PLBD1: variants seen among roughly 807,000 people sequenced by gnomAD.
PLBD1 encodes the protein lysosomal leucine aminopeptidase.
A neutral mutation model predicts 63.0 loss-of-function variants in PLBD1; 60 were observed. That is an observed-to-expected ratio of 0.95 (90% CI 0.77 to 1.18). PLBD1 has a LOEUF of 1.18. PLBD1 is among the 50% of genes most tolerant of loss of function. The pLI, the probability that PLBD1 is intolerant of heterozygous loss-of-function variation, is 0.00. For synonymous variants in PLBD1, 262 were observed against 248.0 expected (o/e 1.06, Z -0.53); for missense variants, 598 against 677.9 (o/e 0.88, Z 1.31).
At chr12:14,524,287 C>A (rs1945400200) in intron 6 of PLBD1, among the ~76,000 whole-genome samples, 1 of 152,088 alleles carries the variant, frequency 6.6e-6, no homozygotes, top group East Asian at 1.9e-4. Context: ...TTTTAAATAA[C>A]TAGAAGAGAG....
At chr12:14,543,986 C>T (rs1365842605) in intron 2 of PLBD1, among the ~76,000 whole-genome samples, 2 of 132,882 alleles carry the variant, frequency 1.5e-5, no homozygotes, top group East Asian at 5.1e-4. Flanking sequence ...CTCCTCAATA[C>T]TTTTAAGATA....
At chr12:14,541,000 G>T in intron 3 of PLBD1, 98 bp from the exon 4 acceptor site, 2 of 1,243,942 alleles carry the variant, frequency 1.6e-6, no homozygotes, top group Non-Finnish European at 2.2e-6. Context: ...AGACACTTAT[G>T]CTAATGTGAT....
Position 14,556,515 on chromosome 12 carries a change from A to G in PLBD1, c.116-3103T>C, listed in dbSNP as rs532544282. Among the ~76,000 whole-genome samples, 11 of 151,928 alleles carry G rather than the reference A, an allele frequency of 7.2e-5. No individual in the cohort carries two copies. The East Asian group carries it at 1.6e-3, about 22-fold the overall frequency. ...CTCCCGAGTAGCTGAGACTACAGGC[A>G]TGCACCATCACATCCGGCTAATTTT... On this transcript the variant is annotated intron_variant, in intron 1 of 10. Transcript: ENST00000240617.
At chr12:14,537,638 C>T (rs752424007) in intron 4 of PLBD1, among the ~76,000 whole-genome samples, 8 of 152,184 alleles carry the variant, frequency 5.3e-5, no homozygotes, top group African/African-American at 1.7e-4. Context: ...CTGGAGAGCA[C>T]GGCTCCAGGA....
intron 2 of PLBD1, among the ~76,000 whole-genome samples, chr12:14,552,076 T>C (rs186919017): frequency 1.3e-5 from 2 of 152,328 alleles, no homozygotes; most frequent in East Asian, 1.9e-4. Context: ...CAACATCTGA[T>C]ACAATCTCCA....
At chr12:14,519,419 G>A (rs998693716) in intron 6 of PLBD1, among the ~76,000 whole-genome samples, 7 of 152,002 alleles carry the variant, frequency 4.6e-5, no homozygotes, top group African/African-American at 1.7e-4. Context: ...AGGAGATCGA[G>A]ACCACCTGGC....
chr12:14,520,819 TAC>T (rs2136911090), intron 6 of PLBD1, among the ~76,000 whole-genome samples: 1 of 152,340 alleles, frequency 6.6e-6, no homozygotes, highest in East Asian at 1.9e-4. Flanking sequence ...TGCAAACACC[TAC>T]AGTCTTTGCT....
intron 6 of PLBD1, 78 bp from the exon 7 acceptor site, chr12:14,511,789 C>T: frequency 7.3e-7 from 1 of 1,369,400 alleles, no homozygotes; most frequent in Non-Finnish European, 1.0e-6. Context: ...AAGAGCTTTA[C>T]ATACACAATG....
chr12:14,556,989 CA>C (rs71038607), intron 1 of PLBD1, among the ~76,000 whole-genome samples: 10 of 76,312 alleles, frequency 1.3e-4, no homozygotes, highest in South Asian at 6.9e-4. Context: ...AATTCCCTCT[CA>C]AAAAAAAAAA....
intron 10 of PLBD1, among the ~76,000 whole-genome samples, chr12:14,505,517 A>G (rs1465263649): frequency 6.6e-6 from 1 of 152,190 alleles, no homozygotes; most frequent in African/African-American, 2.4e-5. Flanking sequence ...TCCATAATGT[A>G]AATACTTTCA....
At position 14,503,670 on chromosome 12, in the gene PLBD1, CAA is replaced by C; in HGVS notation, c.*100_*101del. On this transcript the variant is annotated 3_prime_UTR_variant, in exon 11 of 11. Transcript: ENST00000240617. ...CAAAGTCAGTGGGAAATGAAAGTGA[CAA>C]ATTAATATATTTTATTGCATAATTC... The C allele has an allele frequency of 8.5e-7, 1 of 1,182,968 alleles. No individual in the cohort carries two copies. Among genetic ancestry groups the C allele is most frequent in the East Asian group, 2.4e-5 (1 of 41,434 alleles). 73.3% of individuals were successfully genotyped at this position (1,182,968 alleles called of 1,614,324 possible).
chr12:14,550,165 C>CT (rs1166835732), intron 2 of PLBD1, among the ~76,000 whole-genome samples: 1 of 152,206 alleles, frequency 6.6e-6, no homozygotes, highest in Admixed American at 6.5e-5. Flanking sequence ...CACTGGAGTG[C>CT]TTTTCTCTCT....
chr12:14,544,972 G>C (rs927782417), intron 2 of PLBD1, among the ~76,000 whole-genome samples: 8 of 148,984 alleles, frequency 5.4e-5, no homozygotes, highest in Admixed American at 6.6e-5. Flanking sequence ...GTGGATTTTG[G>C]AACTTTGGTG....
intron 2 of PLBD1, among the ~76,000 whole-genome samples, chr12:14,544,911 TC>T (rs1945605437): frequency 6.6e-6 from 1 of 152,206 alleles, no homozygotes; most frequent in Non-Finnish European, 1.5e-5. Context: ...TAAAAATTAA[TC>T]TGGAGTATAT....
chr12:14,553,817 G>A (rs184945829), intron 1 of PLBD1: 8 of 219,278 alleles, frequency 3.6e-5, no homozygotes, highest in Non-Finnish European at 7.5e-5. Context: ...TATCAGGGAT[G>A]ATCGTCCTCT....
In PLBD1 at chr12:14,516,199, C is replaced by T. The variant is rs567141724; in HGVS notation, c.845-4488G>A. 2.5e-4 allele frequency among the ~76,000 whole-genome samples: 38 copies of T among 152,106 alleles called. 1 individual carries two copies. The highest frequency in any genetic ancestry group is 4.2e-4 in the South Asian group (2 of 4,808). The stretch of plus-strand genomic sequence containing the variant: ...CAAAAATTAGCTGGGCACGGTGGCG[C>T]GCGCCTGTAATCCCAGTTACTCAGG... On this transcript the variant is annotated intron_variant, in intron 6 of 10. Transcript: ENST00000240617.
intron 6 of PLBD1, among the ~76,000 whole-genome samples, chr12:14,532,504 C>T (rs549657427): frequency 6.6e-6 from 1 of 152,138 alleles, no homozygotes; most frequent in African/African-American, 2.4e-5. Flanking sequence ...TGAGAGTCAC[C>T]CCAGGTCATC....
chr12:14,556,067 C>T (rs573302387), intron 1 of PLBD1, among the ~76,000 whole-genome samples: 6 of 152,298 alleles, frequency 3.9e-5, no homozygotes, highest in Admixed American at 1.3e-4. Flanking sequence ...TAAAATATGA[C>T]GTGTTCTTTT....
rs75778757 is a variant in PLBD1 at position 14,506,992 on chromosome 12, C to T, written c.1313G>A (p.Arg438Gln). 5.0e-3 allele frequency: 8,046 copies of T among 1,613,944 alleles called. 68 individuals are homozygous for T. The highest frequency in any genetic ancestry group is 4.9e-3 in the Non-Finnish European group (5,786 of 1,179,960). The change falls in exon 9 of 11, where the codon CGG (arginine) becomes CAG (glutamine). Residue 438 changes from arginine to glutamine, a missense_variant. Coordinates refer to ENST00000240617, the MANE Select transcript of PLBD1 (RefSeq NM_024829.6). ...ATCAGTCACTTTCCCTTGGTCACGCCGGAAAATTTTGGCTCGTGGAGCTAA... is the reference window on the plus strand; with the variant it reads ...ATCAGTCACTTTCCCTTGGTCACGCTGGAAAATTTTGGCTCGTGGAGCTAA... ...YDLAPRAKIF[R>Q]RDQGKVTDTA...
Sources: allele counts gnomAD v4.1 joint callset (sites outside exome capture counted in the v4.1 genomes callset), GRCh38; gene constraint gnomAD v4.1.1; transcripts MANE v1.5; gene names NCBI Gene and HGNC (gene_info 2026-07-23, HGNC 2026-07-21).